The following TDRD3 variants were observed in gnomAD, a reference collection of about 807,000 sequenced individuals.
The protein encoded by TDRD3 is tudor domain containing 3.
A neutral mutation model predicts 86.7 loss-of-function variants in TDRD3; 45 were observed. The ratio of observed to expected loss-of-function variants is 0.52; its 90% CI spans 0.41 to 0.67. The LOEUF is 0.67. Ranked by LOEUF, TDRD3 falls within the 30% of genes least tolerant of loss-of-function variation. The probability of loss-of-function intolerance (pLI) is 0.00; values close to 1 mark genes in which losing one functional copy is unlikely to be tolerated. For synonymous variants in TDRD3, 298 were observed against 301.7 expected (o/e 0.99, Z 0.13); for missense variants, 814 against 889.0 (o/e 0.92, Z 1.07).
At chr13:60,420,380 GT>G (rs79700473) in intron 1 of TDRD3, among the ~76,000 whole-genome samples, 47,940 of 149,604 alleles carry the variant, frequency 0.32, 7,767 homozygotes, top group South Asian at 0.36. Context: ...AATTTTATCA[GT>G]TTTTTTTTTC....
chr13:60,483,808 A>T lies in TDRD3; in HGVS notation c.529A>T (p.Thr177Ser). 6.2e-7 allele frequency: 1 copy of T among 1,613,570 alleles called. No homozygotes were observed. Residue 177 changes from threonine (T) to serine (S), a missense_variant, in exon 6 of 14, where the codon ACT (threonine) becomes TCT (serine). Coordinates refer to ENST00000377881, the MANE Select transcript of TDRD3 (RefSeq NM_001146070.2). ...AAAACACAATAGAAGCAATATTGGA[A>T]CTGAAGGTGGACCACCGCCTTTTGT... ...LSKHNRSNIGTEGGPPPFVPF... is the reference protein window; with the variant it reads ...LSKHNRSNIGSEGGPPPFVPF...
chr13:60,541,917 G>A (rs1476451260), intron 12 of TDRD3, among the ~76,000 whole-genome samples: 2 of 151,094 alleles, frequency 1.3e-5, no homozygotes, highest in African/African-American at 4.9e-5. Flanking sequence ...AGTAGAGACA[G>A]GGTTTCTCCA....
chr13:60,482,325 G>GT (rs1013348145), intron 5 of TDRD3, among the ~76,000 whole-genome samples: 17 of 150,698 alleles, frequency 1.1e-4, no homozygotes, highest in East Asian at 3.9e-4. Context: ...TAGCTCACCT[G>GT]TTTTTTTTTC....
chr13:60,418,153 T>A (rs542458077), intron 1 of TDRD3, among the ~76,000 whole-genome samples: 1 of 152,154 alleles, frequency 6.6e-6, no homozygotes, highest in Non-Finnish European at 1.5e-5. Flanking sequence ...TGCTCCTACC[T>A]CTCCAGCAGT....
chr13:60,517,022 T>G (rs1156637406), intron 10 of TDRD3, among the ~76,000 whole-genome samples: 1 of 152,200 alleles, frequency 6.6e-6, no homozygotes, highest in Non-Finnish European at 1.5e-5. Flanking sequence ...TTCTGTGGAT[T>G]TTGTGAGAAT....
intron 12 of TDRD3, among the ~76,000 whole-genome samples, chr13:60,548,782 T>C (rs1045801679): frequency 2.0e-5 from 3 of 152,026 alleles, no homozygotes; most frequent in African/African-American, 4.8e-5. Context: ...GGTACTCTTA[T>C]ACATTGCTGA....
intron 7 of TDRD3, among the ~76,000 whole-genome samples, chr13:60,488,778 C>T (rs971503432): frequency 6.6e-6 from 1 of 152,028 alleles, no homozygotes; most frequent in African/African-American, 2.4e-5. Flanking sequence ...AGGGTTTCAC[C>T]ATGTTGGCCA....
chr13:60,490,050 G>GTTTTTTTTTTTTT (rs11397531), intron 7 of TDRD3, among the ~76,000 whole-genome samples: 1 of 111,048 alleles, frequency 9.0e-6, no homozygotes, highest in Non-Finnish European at 1.7e-5. Flanking sequence ...AAGCATCTTA[G>GTTTTTTTTTTTTT]TTTTTTTTTT....
chr13:60,568,271 A>T lies in TDRD3; in HGVS notation c.*9+621A>T, dbSNP rs369875898. ...TGCTAATTGACTTCTGAATTACTGT[A>T]GCCAGCCAATGTAGCACCTTTTTCC... On this transcript the variant is annotated intron_variant, in intron 13 of 13. Transcript: ENST00000377881. Among the ~76,000 whole-genome samples the T allele has an allele frequency of 5.3e-5, 8 of 152,266 alleles. No individual in the cohort carries two copies. In the East Asian group the frequency reaches 1.5e-3, roughly 29 times the overall value.
At chr13:60,568,334 T>A (rs1027333726) in intron 13 of TDRD3, among the ~76,000 whole-genome samples, 3 of 152,184 alleles carry the variant, frequency 2.0e-5, no homozygotes, top group African/African-American at 7.2e-5. Flanking sequence ...TAATGCAAGG[T>A]CATCAAGTAA....
At position 60,415,551 on chromosome 13, in the gene TDRD3, T is replaced by TA. The variant is rs572287825; in HGVS notation, c.41+18149dup. ...AACTAGGCCCTCAATGTTAGCTAAC[T>TA]AAACAGACCAATGCAATCTTTATAA... On this transcript the variant is annotated intron_variant, in intron 1 of 13. Transcript: ENST00000377881. Among the ~76,000 whole-genome samples, 8 of 152,282 alleles carry TA rather than the reference T, an allele frequency of 5.3e-5. No individual in the cohort carries two copies. In the East Asian group the frequency reaches 1.5e-3, roughly 29 times the overall value.
In TDRD3 at chr13:60,452,993, T is replaced by C. The variant is rs146992052; in HGVS notation, c.193-7387T>C. On this transcript the variant is annotated intron_variant, in intron 3 of 13. Coordinates refer to ENST00000377881, the MANE Select transcript of TDRD3 (RefSeq NM_001146070.2). ...GTTATTGTATTTTTAGTTTGATTCA[T>C]TTATTTTTCTTCTACCTGATTTGAA... 1.1e-3 allele frequency among the ~76,000 whole-genome samples: 161 copies of C among 152,268 alleles called. 1 individual carries two copies. Among genetic ancestry groups the C allele is most frequent in the African/African-American group, 3.7e-3 (152 of 41,568 alleles).
At chr13:60,400,627 C>T (rs887115899) in intron 1 of TDRD3, among the ~76,000 whole-genome samples, 1 of 151,860 alleles carries the variant, frequency 6.6e-6, no homozygotes, top group Non-Finnish European at 1.5e-5. Flanking sequence ...ATCCCAGCTA[C>T]CTGGTGAGGC....
chr13:60,551,344 T>C (rs1958048678), intron 12 of TDRD3, among the ~76,000 whole-genome samples: 1 of 152,244 alleles, frequency 6.6e-6, no homozygotes, highest in Non-Finnish European at 1.5e-5. Context: ...GTAAACATTT[T>C]GTTAGGTCAT....
rs976567705 is a variant in TDRD3, at chr13:60,573,654, T to G, written c.*48T>G. On this transcript the variant is annotated 3_prime_UTR_variant, in exon 14 of 14. Coordinates refer to ENST00000377881, the MANE Select transcript of TDRD3 (RefSeq NM_001146070.2). ...AAACGAGCCAGTGACTGAAACACCC[T>G]GGTGGAAACCTGTTGACAGACCTTC... The G allele has an allele frequency of 2.5e-5, 25 of 985,372 alleles. No homozygotes were observed. Among genetic ancestry groups the G allele is most frequent in the Non-Finnish European group, 3.0e-5 (25 of 829,834 alleles). The allele number at this position is 985,372 out of a possible 1,614,324, so 61.0% of individuals were successfully genotyped here.
rs147134247 is a variant in TDRD3, at chr13:60,514,963, C to T, written c.1141+4208C>T. Among the ~76,000 whole-genome samples, 161 of 152,234 alleles carry T rather than the reference C, an allele frequency of 1.1e-3. 1 individual carries two copies. The highest frequency in any genetic ancestry group is 3.7e-3 in the African/African-American group (152 of 41,520). On this transcript the variant is annotated intron_variant, in intron 10 of 13. Transcript: ENST00000377881. ...AGTATTTTATTTAGTATTTAAAATA[C>T]CTCATTCAGAAAACACAGGGAAGTA...
At chr13:60,416,766 G>A (rs1054705641) in intron 1 of TDRD3, among the ~76,000 whole-genome samples, 3 of 151,970 alleles carry the variant, frequency 2.0e-5, no homozygotes, top group Admixed American at 6.6e-5. Flanking sequence ...TACTTTGGAC[G>A]GTTTATGTCT....
At chr13:60,475,926 A>G (rs924717683) in intron 5 of TDRD3, among the ~76,000 whole-genome samples, 2 of 152,104 alleles carry the variant, frequency 1.3e-5, no homozygotes, top group African/African-American at 4.8e-5. Flanking sequence ...TTCCTTATAG[A>G]TTCGGGATAG....
chr13:60,510,014 AT>A, intron 9 of TDRD3, 95 bp downstream of exon 9: 1 of 1,449,558 alleles, frequency 6.9e-7, no homozygotes, highest in Non-Finnish European at 9.2e-7. Flanking sequence ...GAGGGCTGTA[AT>A]TTTGTTTAAC....
Sources: gnomAD v4.1 joint callset for allele counts (sites outside exome capture counted in the v4.1 genomes callset) on GRCh38, gnomAD v4.1.1 for gene constraint, MANE v1.5 for transcripts, NCBI Gene and HGNC (gene_info 2026-07-23, HGNC 2026-07-21) for gene names.